The following ALK variants were observed in gnomAD, a reference collection of about 807,000 sequenced individuals.
The protein encoded by ALK is ALK receptor tyrosine kinase, also known as ALK tyrosine kinase receptor.
Under a neutral mutation model 163.1 loss-of-function variants are expected in ALK, and 74 were observed. That is an observed-to-expected ratio of 0.45 (90% CI 0.38 to 0.55). ALK has a LOEUF of 0.55. ALK is among the 20% of genes least tolerant of loss of function. The pLI is 0.00. For synonymous variants in ALK, 960 were observed against 843.2 expected, an observed-to-expected ratio of 1.14 and a Z score of -2.40; for missense variants, 2,063 against 2,105.3, an observed-to-expected ratio of 0.98 and a Z score of 0.39.
chr2:29,536,499 A>G (rs1434163309), intron 3 of ALK, among the ~76,000 whole-genome samples: 1 of 152,168 alleles, frequency 6.6e-6, no homozygotes, highest in Non-Finnish European at 1.5e-5. Context: ...CAGAACCATG[A>G]GCCAATTAAA....
At chr2:29,556,930 TCTC>T (rs1558382931) in intron 3 of ALK, among the ~76,000 whole-genome samples, 1 of 152,168 alleles carries the variant, frequency 6.6e-6, no homozygotes, top group Non-Finnish European at 1.5e-5. Flanking sequence ...TTTTGATTTT[TCTC>T]CTTTTATTAA....
chr2:29,448,011 T>G (rs4497832), intron 4 of ALK, among the ~76,000 whole-genome samples: 1 of 152,030 alleles, frequency 6.6e-6, no homozygotes, highest in Non-Finnish European at 1.5e-5. Context: ...GACAGTAACA[T>G]TCTTGGTTTT....
At chr2:29,582,434 G>T (rs4302185) in intron 3 of ALK, among the ~76,000 whole-genome samples, 147,233 of 152,294 alleles carry the variant, frequency 0.97, 71,384 homozygotes, top group East Asian at 1. Flanking sequence ...TCTGATAATT[G>T]AGAACCTAAA....
chr2:29,769,142 T>C (rs557864718), intron 1 of ALK, among the ~76,000 whole-genome samples: 2 of 152,224 alleles, frequency 1.3e-5, no homozygotes, highest in African/African-American at 4.8e-5. Flanking sequence ...CTAAATTTTT[T>C]CTTCATAGTT....
At chr2:29,368,351 AT>A (rs543345064) in intron 5 of ALK, among the ~76,000 whole-genome samples, 16 of 152,274 alleles carry the variant, frequency 1.1e-4, no homozygotes, top group Admixed American at 6.5e-4. Context: ...TTCCTTTCCA[AT>A]TTTTTTCATC....
At chr2:29,575,316 A>G (rs1288824993) in intron 3 of ALK, among the ~76,000 whole-genome samples, 12 of 152,266 alleles carry the variant, frequency 7.9e-5, no homozygotes, top group African/African-American at 2.9e-4. Flanking sequence ...CCTTCTACAG[A>G]CTTATTTTAT....
At chr2:29,297,779 T>A (rs1186537567) in intron 8 of ALK, among the ~76,000 whole-genome samples, 1 of 152,224 alleles carries the variant, frequency 6.6e-6, no homozygotes, top group East Asian at 1.9e-4. Context: ...ACTAATAACC[T>A]TTGTAAGAAA....
chr2:29,739,360 C>T (rs547797590), intron 1 of ALK, among the ~76,000 whole-genome samples: 1 of 150,102 alleles, frequency 6.7e-6, no homozygotes, highest in Non-Finnish European at 1.5e-5. Flanking sequence ...GAAATTGAGA[C>T]CATCCTGGCC....
At chr2:29,906,539 G>A (rs559608014) in intron 1 of ALK, among the ~76,000 whole-genome samples, 96 of 152,122 alleles carry the variant, frequency 6.3e-4, no homozygotes, top group Non-Finnish European at 8.7e-4. Flanking sequence ...TCATGTTGGG[G>A]AGAAGTTAAT....
chr2:29,671,646 G>A (rs1253951172), intron 3 of ALK, among the ~76,000 whole-genome samples: 2 of 151,998 alleles, frequency 1.3e-5, no homozygotes, highest in East Asian at 1.9e-4. Context: ...GGAAAATTGT[G>A]GGGTAGGGGT....
chr2:29,815,610 G>C (rs1473031299), intron 1 of ALK, among the ~76,000 whole-genome samples: 1 of 152,140 alleles, frequency 6.6e-6, no homozygotes, highest in Non-Finnish European at 1.5e-5. Context: ...GCCATGCAGG[G>C]TTGCCTGGAA....
In ALK at chr2:29,750,630, G is replaced by GGGAAGGAAGGAA. The variant is rs1189354098; in HGVS notation, c.668-32945_668-32934dup. Among the ~76,000 whole-genome samples, 80 of 71,900 alleles carry GGGAAGGAAGGAA rather than the reference G, an allele frequency of 1.1e-3. 1 individual carries two copies. Among genetic ancestry groups the GGGAAGGAAGGAA allele is most frequent in the Middle Eastern group, 8.5e-3 (1 of 118 alleles). The allele number at this position is 71,900 out of a possible 152,430, so 47.2% of individuals were successfully genotyped here. A position where few individuals can be genotyped will look rare whatever the true frequency, so the allele number is the denominator to read the frequency against. ...GGAGTGGAGTGTAACGGAACAGAAT[G>GGGAAGGAAGGAA]GGAAGGAAGGAAGGAAGGAAGGAAG... On this transcript the variant is annotated intron_variant, in intron 1 of 28. Coordinates refer to ENST00000389048, the MANE Select transcript of ALK (RefSeq NM_004304.5).
At chr2:29,872,454 A>C (rs1208499590) in intron 1 of ALK, among the ~76,000 whole-genome samples, 4 of 152,316 alleles carry the variant, frequency 2.6e-5, no homozygotes, top group Non-Finnish European at 5.9e-5. Context: ...TTAATACAAC[A>C]TCATAGGTTA....
At chr2:29,822,169 G>A (rs1665065692) in intron 1 of ALK, among the ~76,000 whole-genome samples, 1 of 152,202 alleles carries the variant, frequency 6.6e-6, no homozygotes, top group African/African-American at 2.4e-5. Context: ...ATTCAGCAGA[G>A]GGAGGAGTCA....
intron 1 of ALK, among the ~76,000 whole-genome samples, chr2:29,876,593 T>C (rs1300788718): frequency 6.6e-6 from 1 of 151,592 alleles, no homozygotes; most frequent in Non-Finnish European, 1.5e-5. Flanking sequence ...ATGGTGGTAA[T>C]GGTAATGGTG....
chr2:29,745,685 C>A (rs974585354), intron 1 of ALK, among the ~76,000 whole-genome samples: 2 of 152,200 alleles, frequency 1.3e-5, no homozygotes, highest in Non-Finnish European at 2.9e-5. Context: ...AGTAGGTCCC[C>A]GCTTAGCAGC....
intron 1 of ALK, among the ~76,000 whole-genome samples, chr2:29,797,390 T>G (rs970028797): frequency 6.6e-6 from 1 of 152,248 alleles, no homozygotes; most frequent in Non-Finnish European, 1.5e-5. Context: ...TGAAGCATCC[T>G]CTAATCTTTG....
At chr2:29,650,728 C>A (rs1677014642) in intron 3 of ALK, among the ~76,000 whole-genome samples, 1 of 152,100 alleles carries the variant, frequency 6.6e-6, no homozygotes, top group Admixed American at 6.6e-5. Flanking sequence ...GTTAACAGAG[C>A]TTAAATGTTT....
chr2:29,822,571 G>C (rs1665079695), intron 1 of ALK, among the ~76,000 whole-genome samples: 2 of 152,214 alleles, frequency 1.3e-5, no homozygotes, highest in African/African-American at 4.8e-5. Flanking sequence ...TCTAGGACTT[G>C]AGTGGTGTGT....
Sources: allele counts gnomAD v4.1 joint callset (sites outside exome capture counted in the v4.1 genomes callset), GRCh38; gene constraint gnomAD v4.1.1; transcripts MANE v1.5; gene names NCBI Gene and HGNC (gene_info 2026-07-23, HGNC 2026-07-21).